The following RHAG variants were observed in gnomAD, a reference collection of about 807,000 sequenced individuals.
The protein encoded by RHAG is ammonium transporter Rh type A.
A neutral mutation model predicts 42.4 loss-of-function variants in RHAG; 25 were observed. The ratio of observed to expected loss-of-function variants is 0.59; its 90% CI spans 0.43 to 0.82. The LOEUF (loss-of-function observed/expected upper bound fraction) is 0.82. RHAG is among the 40% of genes least tolerant of loss of function. The probability of loss-of-function intolerance (pLI) is 0.00; values close to 1 mark genes in which losing one functional copy is unlikely to be tolerated. For missense variants in RHAG, 483 were observed against 504.6 expected, an observed-to-expected ratio of 0.96 and a Z score of 0.41; for synonymous variants, 182 against 177.7, an observed-to-expected ratio of 1.02 and a Z score of -0.19.
intron 1 of RHAG, among the ~76,000 whole-genome samples, chr6:49,626,797 A>G (rs1762851297): frequency 6.6e-6 from 1 of 152,240 alleles, no homozygotes; most frequent in African/African-American, 2.4e-5. Flanking sequence ...ATCCTGTGAA[A>G]TGTAGGCAGA....
At chr6:49,609,032 T>C (rs1420742732) in intron 7 of RHAG, among the ~76,000 whole-genome samples, 1 of 152,140 alleles carries the variant, frequency 6.6e-6, no homozygotes, top group Non-Finnish European at 1.5e-5. Context: ...ACTAGAGTTA[T>C]GCTGCTATAA....
intron 2 of RHAG, 21 bp downstream of exon 2, chr6:49,619,158 G>T: frequency 6.2e-7 from 1 of 1,612,558 alleles, no homozygotes; most frequent in South Asian, 1.1e-5. Flanking sequence ...CAAACATTCA[G>T]CCCACAGTAA....
At chr6:49,635,757 T>C (rs1036127297) in intron 1 of RHAG, among the ~76,000 whole-genome samples, 25 of 152,158 alleles carry the variant, frequency 1.6e-4, no homozygotes, top group African/African-American at 5.8e-4. Context: ...TCAAAAAATG[T>C]TGGAATAAAA....
Position 49,619,193 on chromosome 6 carries a change from G to A in RHAG, c.327C>T (p.Asn109=). Residue 109 remains asparagine, a synonymous_variant, in exon 2 of 10, where the codon AAC becomes AAT. Coordinates refer to ENST00000371175, the MANE Select transcript of RHAG (RefSeq NM_000324.3). ...GILQSQGQKF[N]IGIKNMINAD... Reference sequence around the variant, plus strand: ...AGGATGCTCACTTTTTGATTCCAATGTTAAATTTCTGTCCCTGGCTTTGCA... The same window carrying A: ...AGGATGCTCACTTTTTGATTCCAATATTAAATTTCTGTCCCTGGCTTTGCA... The A allele has an allele frequency of 1.9e-6, 3 of 1,614,008 alleles. No individual in the cohort carries two copies. The highest frequency in any genetic ancestry group is 2.5e-6 in the Non-Finnish European group (3 of 1,179,910).
At chr6:49,611,734 A>ATC (rs1762572096) in intron 6 of RHAG, among the ~76,000 whole-genome samples, 1 of 148,738 alleles carries the variant, frequency 6.7e-6, no homozygotes, top group Non-Finnish European at 1.5e-5. Flanking sequence ...GACATCCTAA[A>ATC]TCTCTCTTTT....
At chr6:49,632,336 G>T (rs1762946865) in intron 1 of RHAG, among the ~76,000 whole-genome samples, 1 of 152,110 alleles carries the variant, frequency 6.6e-6, no homozygotes, top group South Asian at 2.1e-4. Flanking sequence ...TGAGTGTCTG[G>T]CAGATATTTT....
In RHAG at chr6:49,607,302, C is replaced by T. The variant is rs895803557; in HGVS notation, c.1068-82G>A. ...TCTCACTCACTGAGGGTGTGGATGA[C>T]TGCCATCTTCAGGCCAGAGTGTAAC... On this transcript the variant is annotated intron_variant, in intron 7 of 9. Coordinates refer to ENST00000371175, the MANE Select transcript of RHAG (RefSeq NM_000324.3). 1.1e-5 allele frequency: 11 copies of T among 1,036,006 alleles called. No homozygotes were observed. The Admixed American group carries it at 2.1e-4, about 20-fold the overall frequency. 64.2% of individuals were successfully genotyped at this position (1,036,006 alleles called of 1,614,324 possible). A position where few individuals can be genotyped will look rare whatever the true frequency, so the allele number is the denominator to read the frequency against.
chr6:49,636,535 G>T, intron 1 of RHAG, 121 bp downstream of exon 1: 2 of 1,031,934 alleles, frequency 1.9e-6, no homozygotes, highest in Non-Finnish European at 3.0e-6. Context: ...AATATCCTTA[G>T]CACTCATAAC....
Position 49,629,479 on chromosome 6 carries a change from G to C in RHAG, c.157+7177C>G, listed in dbSNP as rs899595689. ...CCCACCAGACTCAGGAGCTCAGCCG[G>C]CTTCACCCAGTGGATCCCGCACCAG... On this transcript the variant is annotated intron_variant, in intron 1 of 9. Transcript: ENST00000371175. Among the ~76,000 whole-genome samples the C allele has an allele frequency of 2.6e-5, 4 of 152,222 alleles. 1 individual carries two copies. Among genetic ancestry groups the C allele is most frequent in the Non-Finnish European group, 5.9e-5 (4 of 68,042 alleles).
intron 7 of RHAG, among the ~76,000 whole-genome samples, chr6:49,607,781 T>C (rs1430393766): frequency 6.6e-6 from 1 of 152,218 alleles, no homozygotes; most frequent in East Asian, 1.9e-4. Flanking sequence ...AAAGGTGTTA[T>C]ATGAATGACA....
At chr6:49,614,330 T>C (rs1284515524) in intron 5 of RHAG, among the ~76,000 whole-genome samples, 1 of 151,872 alleles carries the variant, frequency 6.6e-6, no homozygotes, top group Non-Finnish European at 1.5e-5. Context: ...GTAGCTGGGA[T>C]GACAGGTGTC....
rs151209252 is a variant in RHAG at position 49,614,753 on chromosome 6, G to A, written c.741C>T (p.Leu247=). 28 of 1,613,978 alleles carry A rather than the reference G, an allele frequency of 1.7e-5. No individual in the cohort carries two copies. In the African/African-American group the frequency reaches 1.7e-4, roughly 10 times the overall value. ...CAAAGGCTGTGAGCACACAGGCAGC[G>A]AGAGAGAAGTACGTGTTTACAATGG... The part of the protein sequence containing the change: ...CRAIVNTYFS[L]AACVLTAFAF... The change falls in exon 5 of 10, where the codon CTC becomes CTT. Residue 247 remains leucine, a synonymous_variant. Coordinates refer to ENST00000371175, the MANE Select transcript of RHAG (RefSeq NM_000324.3).
intron 1 of RHAG, among the ~76,000 whole-genome samples, chr6:49,630,234 C>A (rs943209094): frequency 1.3e-5 from 2 of 152,204 alleles, no homozygotes; most frequent in African/African-American, 2.4e-5. Context: ...GTTTGTTTGT[C>A]TGTTTTGTTG....
At chr6:49,608,040 G>A (rs1027952144) in intron 7 of RHAG, among the ~76,000 whole-genome samples, 2 of 151,970 alleles carry the variant, frequency 1.3e-5, no homozygotes, top group Non-Finnish European at 2.9e-5. Context: ...ACATATCATT[G>A]TGAAAACATT....
chr6:49,606,844 G>C lies in RHAG; in HGVS notation c.1212+4C>G, dbSNP rs2127349234. On this transcript the variant is annotated splice_donor_region_variant and intron_variant, in intron 9 of 9. Coordinates refer to ENST00000371175, the MANE Select transcript of RHAG (RefSeq NM_000324.3). The stretch of plus-strand genomic sequence containing the variant: ...ACATTCTTGTTTAGAATACTGTACA[G>C]TACCTTCCAATAAACAGAATCATCA... 4 of 1,584,696 alleles carry C rather than the reference G, an allele frequency of 2.5e-6. 1 individual carries two copies. In the South Asian group the frequency reaches 4.4e-5, roughly 18 times the overall value.
intron 1 of RHAG, among the ~76,000 whole-genome samples, chr6:49,632,703 T>TA (rs201296336): frequency 6.6e-6 from 1 of 152,024 alleles, no homozygotes; most frequent in African/African-American, 2.4e-5. Context: ...CCACAGAGTA[T>TA]AAAAAAATCA....
At chr6:49,615,830 G>A in intron 3 of RHAG, 59 bp from the exon 4 acceptor site, 4 of 1,534,020 alleles carry the variant, frequency 2.6e-6, no homozygotes, top group Non-Finnish European at 3.6e-6. Flanking sequence ...ATTTATGGGA[G>A]GAAAGTCAAT....
At chr6:49,614,410 C>T (rs1762618218) in intron 5 of RHAG, among the ~76,000 whole-genome samples, 1 of 151,736 alleles carries the variant, frequency 6.6e-6, no homozygotes, top group South Asian at 2.1e-4. Context: ...CCATGTTGGC[C>T]AGGCTTGTCT....
At chr6:49,614,929 T>C (rs1405709047) in intron 4 of RHAG, 76 bp from the exon 5 acceptor site, 13 of 1,292,586 alleles carry the variant, frequency 1.0e-5, no homozygotes, top group Non-Finnish European at 1.4e-5. Context: ...GCTTTATTTA[T>C]TTATTTACTT....
Sources: gnomAD v4.1 joint callset for allele counts (sites outside exome capture counted in the v4.1 genomes callset) on GRCh38, gnomAD v4.1.1 for gene constraint, MANE v1.5 for transcripts, NCBI Gene and HGNC (gene_info 2026-07-23, HGNC 2026-07-21) for gene names.